The following KIF18A variants were observed in gnomAD, a reference collection of about 807,000 sequenced individuals.
KIF18A encodes kinesin-like protein KIF18A.
In KIF18A, 67 loss-of-function variants were observed where a neutral mutation model predicts 103.3. That is an observed-to-expected ratio of 0.65 (90% confidence interval 0.53 to 0.79). The LOEUF is 0.79. Ranked by LOEUF, KIF18A falls within the 30% of genes least tolerant of loss-of-function variation. The pLI is 0.00. For missense variants in KIF18A, 1,032 were observed against 1,062.5 expected (o/e 0.97, Z 0.40); for synonymous variants, 367 against 355.5 (o/e 1.03, Z -0.36).
chr11:28,038,917 A>G (rs977641381), intron 13 of KIF18A, among the ~76,000 whole-genome samples: 3 of 151,638 alleles, frequency 2.0e-5, no homozygotes, highest in Non-Finnish European at 4.4e-5. Flanking sequence ...CTGTGCTGCT[A>G]CCACCAATTT....
chr11:28,049,932 A>C (rs55786016), intron 13 of KIF18A, among the ~76,000 whole-genome samples: 12 of 151,872 alleles, frequency 7.9e-5, no homozygotes, highest in African/African-American at 2.9e-4. Context: ...CAAATATAAG[A>C]TAAGGTACCA....
At chr11:28,083,921 T>TA (rs1201455256) in intron 7 of KIF18A, among the ~76,000 whole-genome samples, 8 of 152,058 alleles carry the variant, frequency 5.3e-5, no homozygotes, top group Non-Finnish European at 1.0e-4. Context: ...TTCAGACACT[T>TA]AAGGAGAGTG....
intron 10 of KIF18A, 71 bp from the exon 11 acceptor site, chr11:28,069,494 G>A: frequency 1.5e-5 from 21 of 1,385,994 alleles, no homozygotes; most frequent in Non-Finnish European, 1.9e-5. Flanking sequence ...TAGTAAACTA[G>A]TATATTTTCT....
At chr11:28,024,555 G>GA in intron 15 of KIF18A, among the ~76,000 whole-genome samples, 1 of 151,692 alleles carries the variant, frequency 6.6e-6, no homozygotes, top group East Asian at 1.9e-4. Flanking sequence ...GTGGAGATGA[G>GA]AAAAAAATAA....
chr11:28,038,392 C>G (rs1451187502), intron 13 of KIF18A, among the ~76,000 whole-genome samples: 1 of 151,620 alleles, frequency 6.6e-6, no homozygotes, highest in East Asian at 1.9e-4. Context: ...CTACTTCATT[C>G]TGGTGAACTT....
chr11:28,037,501 C>G (rs1019816121), intron 13 of KIF18A, among the ~76,000 whole-genome samples: 2 of 151,454 alleles, frequency 1.3e-5, no homozygotes, highest in Admixed American at 1.3e-4. Flanking sequence ...AGGCTATATA[C>G]TATGCCATTT....
chr11:28,045,853 A>AGGG, intron 13 of KIF18A, among the ~76,000 whole-genome samples: 1 of 152,100 alleles, frequency 6.6e-6, no homozygotes, highest in African/African-American at 2.4e-5. Context: ...ATTTACAAGA[A>AGGG]AAAAACAACC....
At chr11:28,053,719 G>A (rs888127506) in intron 13 of KIF18A, among the ~76,000 whole-genome samples, 5 of 151,372 alleles carry the variant, frequency 3.3e-5, no homozygotes, top group East Asian at 3.9e-4. Flanking sequence ...TGTGTTCTCC[G>A]AGATCTACTT....
intron 13 of KIF18A, among the ~76,000 whole-genome samples, chr11:28,054,833 C>A (rs949763691): frequency 6.6e-6 from 1 of 152,120 alleles, no homozygotes; most frequent in African/African-American, 2.4e-5. Flanking sequence ...AACATGGCTT[C>A]AAGTCTTTCC....
At chr11:28,096,830 G>C (rs1851381759) in intron 2 of KIF18A, among the ~76,000 whole-genome samples, 1 of 151,106 alleles carries the variant, frequency 6.6e-6, no homozygotes, top group Non-Finnish European at 1.5e-5. Context: ...GTGCCTGGTA[G>C]GCACTGAAAA....
At chr11:28,033,849 AAG>A (rs1303740041) in intron 15 of KIF18A, among the ~76,000 whole-genome samples, 1 of 151,706 alleles carries the variant, frequency 6.6e-6, no homozygotes, top group Non-Finnish European at 1.5e-5. Context: ...AAAAATAACT[AAG>A]AGTATAATTA....
chr11:28,089,803 T>C (rs1302552766), intron 5 of KIF18A, among the ~76,000 whole-genome samples: 1 of 152,186 alleles, frequency 6.6e-6, no homozygotes, highest in Non-Finnish European at 1.5e-5. Context: ...AAACAAAAGA[T>C]GAGGAAAGTA....
chr11:28,050,913 A>T (rs1367629529), intron 13 of KIF18A, among the ~76,000 whole-genome samples: 1 of 151,934 alleles, frequency 6.6e-6, no homozygotes, highest in Non-Finnish European at 1.5e-5. Context: ...ATTAAAATTC[A>T]TAAAATTTAC....
At chr11:28,090,779 A>C (rs1260982713) in intron 4 of KIF18A, 52 bp from the exon 5 acceptor site, 1 of 826,600 alleles carries the variant, frequency 1.2e-6, no homozygotes, top group African/African-American at 1.7e-5. Flanking sequence ...TATATCTTTA[A>C]ATTTTTCAAT....
chr11:28,060,641 G>A (rs1850845625), intron 12 of KIF18A, among the ~76,000 whole-genome samples: 1 of 152,170 alleles, frequency 6.6e-6, no homozygotes, highest in African/African-American at 2.4e-5. Context: ...TTGATACCTG[G>A]CTGGTATTTT....
At chr11:28,084,484 C>T (rs1219217647) in intron 7 of KIF18A, 148 bp downstream of exon 7, 4 of 409,758 alleles carry the variant, frequency 9.8e-6, no homozygotes, top group Admixed American at 4.2e-5. Flanking sequence ...AATTAATGTT[C>T]GACTAAGCAG....
At chr11:28,087,484 T>A (rs1262241711) in intron 6 of KIF18A, among the ~76,000 whole-genome samples, 1 of 152,232 alleles carries the variant, frequency 6.6e-6, no homozygotes, top group Admixed American at 6.5e-5. Context: ...ATCTAGTCTA[T>A]CATTGATGGG....
intron 3 of KIF18A, among the ~76,000 whole-genome samples, chr11:28,094,168 C>T (rs769257493): frequency 7.2e-5 from 11 of 152,168 alleles, no homozygotes; most frequent in Middle Eastern, 6.8e-3. Context: ...TAAGATATAA[C>T]AACTGAATAC....
chr11:28,070,729 G>A (rs576728059), intron 10 of KIF18A, among the ~76,000 whole-genome samples: 50 of 152,292 alleles, frequency 3.3e-4, no homozygotes, highest in Admixed American at 1.2e-3. Flanking sequence ...ACAGCGCTAG[G>A]ATGAGAATTG....
Sources: allele counts gnomAD v4.1 joint callset (sites outside exome capture counted in the v4.1 genomes callset), GRCh38; gene constraint gnomAD v4.1.1; transcripts MANE v1.5; gene names NCBI Gene and HGNC (gene_info 2026-07-23, HGNC 2026-07-21).